Variants in CYP2D6 observed in about 807,000 individuals in gnomAD.
CYP2D6 encodes the protein cytochrome P450 family 2 subfamily D member 6 (gene/pseudogene).
CYP2D6 carries 51 observed loss-of-function variants against 43.5 expected under a neutral mutation model. The ratio of observed to expected loss-of-function variants is 1.17; its 90% CI spans 0.94 to 1.48. The LOEUF (loss-of-function observed/expected upper bound fraction) is 1.48, where lower values mean the gene tolerates loss of function less well. Among genes scored for constraint, CYP2D6 ranks in the 40% most tolerant of loss-of-function variants. The pLI, the probability that CYP2D6 is intolerant of heterozygous loss-of-function variation, is 0.00. For synonymous variants in CYP2D6, 346 were observed against 297.1 expected (o/e 1.16, Z -1.69); for missense variants, 698 against 688.0 (o/e 1.01, Z -0.16).
intron 3 of CYP2D6, 27 bp from the exon 4 acceptor site, chr22:42,128,971 G>T (rs1333908490): frequency 1.9e-6 from 3 of 1,582,586 alleles, no homozygotes; most frequent in Non-Finnish European, 2.6e-6. Context: ...CGGGTAAGGG[G>T]TCGCCTTCCC....
chr22:42,129,664 C>T (rs2146940493), intron 2 of CYP2D6, 74 bp downstream of exon 2: 1 of 1,586,010 alleles, frequency 6.3e-7, no homozygotes, highest in Non-Finnish European at 8.6e-7. Flanking sequence ...CGCGCCCTCT[C>T]TGCCCAGCTC....
intron 1 of CYP2D6, chr22:42,130,217 G>A (rs2146942537): frequency 2.0e-6 from 1 of 512,816 alleles, no homozygotes; most frequent in Non-Finnish European, 3.4e-6. Context: ...GACCCACAGT[G>A]CAAAAGGTTT....
At chr22:42,127,300 C>A (rs267608292) in intron 7 of CYP2D6, 147 bp downstream of exon 7, 4 of 1,159,730 alleles carry the variant, frequency 3.4e-6, no homozygotes, top group Non-Finnish European at 5.0e-6. Flanking sequence ...ATACTCTGGA[C>A]CCCCCACCCA....
In CYP2D6 at chr22:42,128,344, T is replaced by C; in HGVS notation, c.673A>G (p.Asn225Asp). The change falls in exon 5 of 9, where the codon AAT (asparagine) becomes GAT (aspartate). Residue 225 changes from asparagine to aspartate, a missense_variant. Asn to Asp is a conservative substitution (Grantham distance 23, BLOSUM62 1). Coordinates refer to ENST00000645361, the MANE Select transcript of CYP2D6 (RefSeq NM_000106.6). ...EESGFLREVL[N>D]AVPVLLHIPA... Reference sequence around the variant, plus strand: ...ATATGCAGGAGGACGGGGACAGCATTCAGCACCTACACCAGACAGAACGGG... The same window carrying C: ...ATATGCAGGAGGACGGGGACAGCATCCAGCACCTACACCAGACAGAACGGG... 1 of 1,610,048 alleles carries C rather than the reference T, an allele frequency of 6.2e-7. No individual in the cohort carries two copies. The highest frequency in any genetic ancestry group is 8.5e-7 in the Non-Finnish European group (1 of 1,177,702).
Position 42,127,653 on chromosome 22 carries a change from C to G in CYP2D6, c.986-19G>C. On this transcript the variant is annotated intron_variant, in intron 6 of 8. Coordinates refer to ENST00000645361, the MANE Select transcript of CYP2D6 (RefSeq NM_000106.6). ...ACACGGCCTGGACAGACATGCGTCC[C>G]CACAATGGGTCAGCACCCAGGGGGT... The G allele has an allele frequency of 3.1e-6, 5 of 1,609,222 alleles. No individual in the cohort carries two copies. Among genetic ancestry groups the G allele is most frequent in the Non-Finnish European group, 4.2e-6 (5 of 1,176,496 alleles).
Position 42,129,133 on chromosome 22 carries a change from G to A in CYP2D6, c.405C>T (p.Ser135=), listed in dbSNP as rs550056038. Residue 135 remains serine, a synonymous_variant, in exon 3 of 9, where the codon TCC becomes TCT. Coordinates refer to ENST00000645361, the MANE Select transcript of CYP2D6 (RefSeq NM_000106.6). The part of the protein sequence containing the change: ...GPAWREQRRF[S]VSTLRNLGLG... The stretch of plus-strand genomic sequence containing the variant: ...GGCCCAAGTTGCGCAAGGTGGACAC[G>A]GAGAAGCGCCTCTGCTCGCGCCACG... The A allele has an allele frequency of 2.7e-5, 44 of 1,610,012 alleles. 3 individuals are homozygous for A. In the African/African-American group the frequency reaches 4.4e-4, roughly 16 times the overall value.
In CYP2D6 at chr22:42,126,914, C is replaced by A; in HGVS notation, c.1252G>T (p.Glu418Ter). 1.2e-6 allele frequency: 2 copies of A among 1,604,376 alleles called. No individual in the cohort carries two copies. Among genetic ancestry groups the A allele is most frequent in the Non-Finnish European group, 8.5e-7 (1 of 1,175,188 alleles). Reference protein sequence around the residue: ...VWEKPFRFHPEHFLDAQGHFV... With the variant: ...VWEKPFRFHP ...TGGCCCTGGGCATCCAGGAAGTGTTCGGGGTGGAAGCGGAAGGGCTTCTCC... is the reference window on the plus strand; with the variant it reads ...TGGCCCTGGGCATCCAGGAAGTGTTAGGGGTGGAAGCGGAAGGGCTTCTCC... The change falls in exon 8 of 9, where the codon GAA (glutamate) becomes TAA (stop). Residue 418 changes from glutamate (E) to a stop codon, truncating the protein, a stop_gained. Transcript: ENST00000645361. LOFTEE classifies it high-confidence loss of function.
At position 42,129,753 on chromosome 22, in the gene CYP2D6, C is replaced by T. The variant is rs563185985; in HGVS notation, c.337G>A (p.Gly113Arg). The T allele has an allele frequency of 9.9e-6, 16 of 1,609,854 alleles. 2 individuals carry two copies. The highest frequency in any genetic ancestry group is 1.7e-5 in the Admixed American group (1 of 59,896). ...PVPITQILGFGPRSQGVFLAR... is the reference protein window; with the variant it reads ...PVPITQILGFRPRSQGVFLAR... ...CGCTGCTTGCCTTGGGAACGCGGCC[C>T]GAAACCCAGGATCTGGGTGATGGGC... The change falls in exon 2 of 9, where the codon GGG (glycine) becomes AGG (arginine). Residue 113 changes from glycine to arginine, a missense_variant. Physicochemically the swap from Gly to Arg is moderately radical, Grantham distance 125 (BLOSUM62 -2). This residue lies in a region of CYP2D6 where 588 missense variants were observed against 521.1 expected (regional missense o/e 1.13). Coordinates refer to ENST00000645361, the MANE Select transcript of CYP2D6 (RefSeq NM_000106.6).
Position 42,130,638 on chromosome 22 carries a change from G to A in CYP2D6, c.154C>T (p.Gln52Ter), listed in dbSNP as rs536109057. 1.4e-5 allele frequency: 23 copies of A among 1,607,588 alleles called. 1 individual carries two copies. The highest frequency in any genetic ancestry group is 6.8e-5 in the African/African-American group (5 of 73,632). ...TGGTCGAAGCAGTATGGTGTGTTCT[G>A]GAAGTCCACATGCAGCAGGTTGCCC... ...GLGNLLHVDF[Q>*]NTPYCFDQLR... Residue 52 changes from glutamine (Q) to a stop codon, truncating the protein, a stop_gained, in exon 1 of 9, where the codon CAG becomes TAG. Coordinates refer to ENST00000645361, the MANE Select transcript of CYP2D6 (RefSeq NM_000106.6). LOFTEE classifies it high-confidence loss of function.
chr22:42,127,469 ACTT>A lies in CYP2D6; in HGVS notation c.1148_1150del (p.Glu383del), dbSNP rs754943326. The A allele has an allele frequency of 6.2e-7, 1 of 1,610,574 alleles. No individual in the cohort carries two copies. The highest frequency in any genetic ancestry group is 2.2e-5 in the East Asian group (1 of 44,744). ...TACCTTAGGGATGCGGAAGCCCTGT[ACTT>A]CGATGTCACGGGATGTCATATGGGT... On this transcript the variant is annotated inframe_deletion, in exon 7 of 9. Transcript: ENST00000645361.
chr22:42,130,491 A>C (rs1253166754), intron 1 of CYP2D6, 121 bp downstream of exon 1: 1 of 1,177,322 alleles, frequency 8.5e-7, no homozygotes, highest in Non-Finnish European at 1.2e-6. Context: ...ACGTCCCCCA[A>C]ACCTGCTTCC....
intron 2 of CYP2D6, 46 bp from the exon 3 acceptor site, chr22:42,129,231 C>G: frequency 6.3e-7 from 1 of 1,589,540 alleles, no homozygotes; most frequent in East Asian, 2.2e-5. Context: ...AGGCATTAGC[C>G]CCACCATCCA....
At chr22:42,128,720 A>T in intron 4 of CYP2D6, 64 bp downstream of exon 4, 1 of 1,548,780 alleles carries the variant, frequency 6.5e-7, no homozygotes, top group Non-Finnish European at 8.8e-7. Flanking sequence ...CCGAGGCCCC[A>T]GTCCAGCCCC....
At chr22:42,128,638 C>T (rs1931397061) in intron 4 of CYP2D6, 146 bp downstream of exon 4, 3 of 994,450 alleles carry the variant, frequency 3.0e-6, no homozygotes. Context: ...TCCCCTCCTC[C>T]TCCAGGCCCT....
chr22:42,129,285 C>A, intron 2 of CYP2D6, 100 bp from the exon 3 acceptor site: 1 of 1,438,866 alleles, frequency 6.9e-7, no homozygotes, highest in Admixed American at 1.9e-5. Flanking sequence ...CCCGCAGTCC[C>A]TGGCTCTGTC....
In CYP2D6 at chr22:42,129,748, C is replaced by T. The variant is rs370032051; in HGVS notation, c.342G>A (p.Pro114=). The stretch of plus-strand genomic sequence containing the variant: ...CCCACCGCTGCTTGCCTTGGGAACG[C>T]GGCCCGAAACCCAGGATCTGGGTGA... ...VPITQILGFG[P]RSQGVFLARY... The change falls in exon 2 of 9, where the codon CCG becomes CCA. Residue 114 remains proline (P), a synonymous_variant. Transcript: ENST00000645361. 38 of 1,609,734 alleles carry T rather than the reference C, an allele frequency of 2.4e-5. No homozygotes were observed. Among genetic ancestry groups the T allele is most frequent in the East Asian group, 8.9e-5 (4 of 44,754 alleles).
Position 42,129,787 on chromosome 22 carries a change from G to A in CYP2D6, c.303C>T (p.Arg101=), listed in dbSNP as rs376554259. ...LVTHGEDTAD[R]PPVPITQILG... ...GGATCTGGGTGATGGGCACAGGCGG[G>A]CGGTCGGCGGTGTCCTCGCCGTGGG... is the stretch of plus-strand genomic sequence containing the variant. Residue 101 remains arginine (R), a synonymous_variant, in exon 2 of 9, where the codon CGC becomes CGT. Coordinates refer to ENST00000645361, the MANE Select transcript of CYP2D6 (RefSeq NM_000106.6). 2.2e-5 allele frequency: 36 copies of A among 1,607,976 alleles called. 2 individuals are homozygous for A. The African/African-American group carries it at 2.7e-4, about 12-fold the overall frequency.
At chr22:42,127,807 C>T (rs192090178) in intron 6 of CYP2D6, 35 bp downstream of exon 6, 2 of 1,608,120 alleles carry the variant, frequency 1.2e-6, no homozygotes, top group African/African-American at 1.3e-5. Flanking sequence ...ACCCTTCCTC[C>T]CTCGGCCCCT....
rs1171400766 is a variant in CYP2D6 at position 42,129,808 on chromosome 22, G to A, written c.282C>T (p.His94=). 1.4e-5 allele frequency: 22 copies of A among 1,605,444 alleles called. 1 individual carries two copies. In the Admixed American group the frequency reaches 1.5e-4, roughly 11 times the overall value. ...LAAVREALVT[H]GEDTADRPPV... Reference sequence around the variant, plus strand: ...GCGGGCGGTCGGCGGTGTCCTCGCCGTGGGTCACCAGCGCCTCGCGCACGG... The same window carrying A: ...GCGGGCGGTCGGCGGTGTCCTCGCCATGGGTCACCAGCGCCTCGCGCACGG... Residue 94 remains histidine (H), a synonymous_variant, in exon 2 of 9, where the codon CAC becomes CAT. Transcript: ENST00000645361.
Sources: allele counts gnomAD v4.1 joint callset, GRCh38; gene constraint gnomAD v4.1.1; regional missense constraint gnomAD v4.1.1; transcripts MANE v1.5; gene names NCBI Gene and HGNC (gene_info 2026-07-23, HGNC 2026-07-21).